The following RCSD1 variants were observed in gnomAD, a reference collection of about 807,000 sequenced individuals.
RCSD1 encodes the protein capZ-interacting protein.
A neutral mutation model predicts 42.5 loss-of-function variants in RCSD1; 26 were observed. That is an observed-to-expected ratio of 0.61 (90% CI 0.45 to 0.85). The LOEUF is 0.85. RCSD1 is among the 40% of genes least tolerant of loss of function. RCSD1 has a pLI of 0.00. For synonymous variants in RCSD1, 220 were observed against 212.2 expected, an observed-to-expected ratio of 1.04 and a Z score of -0.32; for missense variants, 571 against 528.3, an observed-to-expected ratio of 1.08 and a Z score of -0.79.
Position 167,697,438 on chromosome 1 carries a change from G to T in RCSD1, c.814G>T (p.Asp272Tyr). The T allele has an allele frequency of 6.2e-7, 1 of 1,612,202 alleles. No homozygotes were observed. The highest frequency in any genetic ancestry group is 8.5e-7 in the Non-Finnish European group (1 of 1,179,248). ...GGCCAGGCGGAGTTCAGAGGAGGTG[G>T]ACGGCCAGCACCCGGCCCAAGAGGA... ...EKARRSSEEV[D>Y]GQHPAQEEVP... Residue 272 changes from aspartate (D) to tyrosine (Y), a missense_variant, in exon 6 of 7, where the codon GAC (aspartate) becomes TAC (tyrosine). Asp to Tyr is a radical substitution (Grantham distance 160). Transcript: ENST00000367854.
In RCSD1 at chr1:167,697,730, A is replaced by G. The variant is rs1211707785; in HGVS notation, c.1106A>G (p.Glu369Gly). The G allele has an allele frequency of 5.1e-6, 8 of 1,583,056 alleles. No individual in the cohort carries two copies. The highest frequency in any genetic ancestry group is 1.8e-5 in the Admixed American group (1 of 54,448). ...GTCCCCAAGCAGGAAAAAGGCAAGG[A>G]AAAACAACAGGAGGGGGCAGTGCTC... is the stretch of plus-strand genomic sequence containing the variant. ...GDVPKQEKGK[E>G]KQQEGAVLEP... The change falls in exon 6 of 7, where the codon GAA becomes GGA. Residue 369 changes from glutamate (E) to glycine (G), a missense_variant. By Grantham distance (98) the Glu-to-Gly change is moderately conservative. Transcript: ENST00000367854.
At chr1:167,699,246 A>G (rs961351959) in intron 6 of RCSD1, among the ~76,000 whole-genome samples, 2 of 152,210 alleles carry the variant, frequency 1.3e-5, no homozygotes, top group Non-Finnish European at 2.9e-5. Context: ...GGTCGCCATA[A>G]AAAATTACCA....
At chr1:167,669,044 C>T (rs997404642) in intron 1 of RCSD1, among the ~76,000 whole-genome samples, 7 of 152,236 alleles carry the variant, frequency 4.6e-5, no homozygotes, top group African/African-American at 1.7e-4. Flanking sequence ...GAATTAGACA[C>T]TTCCCCTATG....
intron 1 of RCSD1, among the ~76,000 whole-genome samples, chr1:167,642,303 G>A (rs1430430008): frequency 7.0e-6 from 1 of 142,466 alleles, no homozygotes; most frequent in African/African-American, 2.6e-5. Flanking sequence ...GCTGACAAGA[G>A]GGGGAAAGCC....
chr1:167,644,639 A>G (rs1261642467), intron 1 of RCSD1, among the ~76,000 whole-genome samples: 1 of 152,188 alleles, frequency 6.6e-6, no homozygotes, highest in African/African-American at 2.4e-5. Context: ...GAAGGAGAGC[A>G]GTCTGGAGTA....
chr1:167,649,697 C>T lies in RCSD1; in HGVS notation c.6+19268C>T, dbSNP rs928651606. 4.6e-5 allele frequency among the ~76,000 whole-genome samples: 7 copies of T among 152,204 alleles called. No homozygotes were observed. In the East Asian group the frequency reaches 1.4e-3, roughly 29 times the overall value. ...TGGGCTTCAGAAGGGACTGTGAGGG[C>T]AGAGAAAGAGAAAAGGAGTTTGAGA... On this transcript the variant is annotated intron_variant, in intron 1 of 6. Transcript: ENST00000367854.
At chr1:167,697,978 G>A (rs774591903) in intron 6 of RCSD1, 136 bp downstream of exon 6, 22 of 1,140,648 alleles carry the variant, frequency 1.9e-5, no homozygotes, top group South Asian at 7.0e-5. Context: ...CTCCTGCCTC[G>A]TGCCAACTTG....
chr1:167,693,645 C>T (rs1334156205), intron 4 of RCSD1, among the ~76,000 whole-genome samples: 1 of 152,148 alleles, frequency 6.6e-6, no homozygotes, highest in Non-Finnish European at 1.5e-5. Context: ...CACAGCTGAA[C>T]GTGTGGGGTT....
chr1:167,652,384 A>G (rs894693517), intron 1 of RCSD1, among the ~76,000 whole-genome samples: 1 of 152,042 alleles, frequency 6.6e-6, no homozygotes, highest in Admixed American at 6.5e-5. Flanking sequence ...CCTGGAGAGG[A>G]TTTAAGTTTA....
chr1:167,689,832 C>G (rs954260230), intron 3 of RCSD1, among the ~76,000 whole-genome samples: 15 of 152,258 alleles, frequency 9.9e-5, no homozygotes, highest in Middle Eastern at 6.8e-3. Flanking sequence ...GCTGACTTCT[C>G]TAATTCTGAT....
intron 1 of RCSD1, among the ~76,000 whole-genome samples, chr1:167,682,750 G>T (rs6655987): frequency 0.23 from 34,300 of 150,568 alleles, 4,539 homozygotes; most frequent in East Asian, 0.45. Flanking sequence ...AGCATCCTTT[G>T]TTTTTGTAGA....
At chr1:167,632,048 C>G (rs979243782) in intron 1 of RCSD1, among the ~76,000 whole-genome samples, 1 of 152,232 alleles carries the variant, frequency 6.6e-6, no homozygotes, top group Non-Finnish European at 1.5e-5. Context: ...CGGTGAGGCA[C>G]GCACACAGCG....
chr1:167,639,350 T>A (rs1474667204), intron 1 of RCSD1, among the ~76,000 whole-genome samples: 2 of 152,232 alleles, frequency 1.3e-5, no homozygotes, highest in African/African-American at 4.8e-5. Flanking sequence ...TGATTTTGCA[T>A]TTTTGTGTAT....
At position 167,704,803 on chromosome 1, in the gene RCSD1, T is replaced by G. The variant is rs895847709; in HGVS notation, c.*107T>G. 2 of 1,120,906 alleles carry G rather than the reference T, an allele frequency of 1.8e-6. No homozygotes were observed. The highest frequency in any genetic ancestry group is 2.7e-6 in the Non-Finnish European group (2 of 751,562). 69.4% of individuals were successfully genotyped at this position (1,120,906 alleles called of 1,614,324 possible). A position where few individuals can be genotyped will look rare whatever the true frequency, so the allele number is the denominator to read the frequency against. ...ACGAAGCCATTGCAGAGGCAGAATA[T>G]GCTGAGTGTCTGGAGTCAGCCTGAA... On this transcript the variant is annotated 3_prime_UTR_variant, in exon 7 of 7. Coordinates refer to ENST00000367854, the MANE Select transcript of RCSD1 (RefSeq NM_052862.4).
intron 1 of RCSD1, among the ~76,000 whole-genome samples, chr1:167,665,817 C>CT (rs142368868): frequency 0.091 from 13,271 of 145,658 alleles, 729 homozygotes; most frequent in Middle Eastern, 0.22. Flanking sequence ...TGATGAGCAC[C>CT]TTTTTTTTTT....
intron 6 of RCSD1, among the ~76,000 whole-genome samples, chr1:167,698,735 C>T (rs1420503435): frequency 6.6e-6 from 1 of 152,078 alleles, no homozygotes; most frequent in Non-Finnish European, 1.5e-5. Context: ...TTCATTTACT[C>T]ACACCACTAT....
chr1:167,679,464 T>A (rs997811456), intron 1 of RCSD1, among the ~76,000 whole-genome samples: 2 of 152,230 alleles, frequency 1.3e-5, no homozygotes, highest in African/African-American at 4.8e-5. Flanking sequence ...AAAGGAAGAT[T>A]CTAGAGTCAT....
intron 1 of RCSD1, among the ~76,000 whole-genome samples, chr1:167,636,455 C>T (rs1201358560): frequency 6.6e-6 from 1 of 152,230 alleles, no homozygotes; most frequent in African/African-American, 2.4e-5. Flanking sequence ...TTGTTTTGAA[C>T]CTGTTTGTAC....
intron 6 of RCSD1, among the ~76,000 whole-genome samples, chr1:167,701,648 G>A (rs1411663254): frequency 1.3e-5 from 2 of 152,110 alleles, no homozygotes; most frequent in African/African-American, 4.8e-5. Flanking sequence ...AGAGAGGACA[G>A]GAGTTGTCCA....
Sources: gnomAD v4.1 joint callset for allele counts (sites outside exome capture counted in the v4.1 genomes callset) on GRCh38, gnomAD v4.1.1 for gene constraint, MANE v1.5 for transcripts, NCBI Gene and HGNC (gene_info 2026-07-23, HGNC 2026-07-21) for gene names.